LATS1: variants seen among roughly 807,000 people sequenced by gnomAD.
The protein encoded by LATS1 is large tumor suppressor kinase 1.
A neutral mutation model predicts 106.6 loss-of-function variants in LATS1; 25 were observed. The observed-to-expected ratio is 0.23, with a 90% CI of 0.17 to 0.33. The LOEUF (loss-of-function observed/expected upper bound fraction) is 0.33, where lower values mean the gene tolerates loss of function less well. Among genes scored for constraint, LATS1 ranks in the 10% least tolerant of loss-of-function variants. The pLI, the probability that LATS1 is intolerant of heterozygous loss-of-function variation, is 1.00. For missense variants in LATS1, 1,040 were observed against 1,382.6 expected (o/e 0.75, Z 3.93); for synonymous variants, 465 against 455.6 (o/e 1.02, Z -0.26).
In LATS1 at chr6:149,702,115, A is replaced by C. The variant is rs1783498371; in HGVS notation, c.12T>G (p.Ser4Arg). 1.2e-6 allele frequency: 2 copies of C among 1,603,108 alleles called. No homozygotes were observed. Among genetic ancestry groups the C allele is most frequent in the Non-Finnish European group, 1.7e-6 (2 of 1,174,132 alleles). The change falls in exon 2 of 8, where the codon AGT becomes AGG. Residue 4 changes from serine (S) to arginine (R), a missense_variant. Coordinates refer to ENST00000543571, the MANE Select transcript of LATS1 (RefSeq NM_004690.4). MKR[S>R]EKPEGYRQMR... ...TTTGTCTATATCCTTCTGGCTTTTC[A>C]CTCCTCTTCATGAAAACATCTATAT... is the stretch of plus-strand genomic sequence containing the variant.
At chr6:149,714,779 GTAAT>G (rs1784297952) in intron 1 of LATS1, among the ~76,000 whole-genome samples, 1 of 152,172 alleles carries the variant, frequency 6.6e-6, no homozygotes, top group Non-Finnish European at 1.5e-5. Context: ...ACTAACCGAA[GTAAT>G]TCAGAAGGAT....
At chr6:149,705,961 A>G (rs1208969370) in intron 1 of LATS1, among the ~76,000 whole-genome samples, 1 of 151,964 alleles carries the variant, frequency 6.6e-6, no homozygotes, top group Non-Finnish European at 1.5e-5. Context: ...AGGCGGGTGG[A>G]TCACCTGAGG....
chr6:149,706,164 C>T (rs927403301), intron 1 of LATS1, among the ~76,000 whole-genome samples: 1 of 103,992 alleles, frequency 9.6e-6, no homozygotes, highest in South Asian at 3.4e-4. Context: ...GCCTGGGCAA[C>T]AAGAGCGAAA....
chr6:149,663,017 A>G (rs1780957912), intron 7 of LATS1, among the ~76,000 whole-genome samples: 1 of 151,896 alleles, frequency 6.6e-6, no homozygotes, highest in Admixed American at 6.6e-5. Context: ...ATAAAATGAA[A>G]TGATGAAGAA....
intron 7 of LATS1, among the ~76,000 whole-genome samples, chr6:149,664,636 C>T (rs1279293894): frequency 6.6e-6 from 1 of 152,186 alleles, no homozygotes; most frequent in Non-Finnish European, 1.5e-5. Context: ...GCAGCTACTT[C>T]AAGATCCTGA....
chr6:149,711,990 G>A (rs1025383691), intron 1 of LATS1, among the ~76,000 whole-genome samples: 15 of 152,044 alleles, frequency 9.9e-5, no homozygotes, highest in African/African-American at 1.2e-4. Flanking sequence ...GAGAGAGTGC[G>A]CACACACGCA....
rs115146813 is a variant in LATS1, at chr6:149,715,109, C to T, written c.-141+2740G>A. ...TATTTTTGAGACAGAGTCTCACTGT[C>T]GCAGGCTGGAGTGCCGTGGTGCCAT... On this transcript the variant is annotated intron_variant, in intron 1 of 7. Coordinates refer to ENST00000543571, the MANE Select transcript of LATS1 (RefSeq NM_004690.4). 4.3e-3 allele frequency among the ~76,000 whole-genome samples: 647 copies of T among 152,130 alleles called. 3 individuals are homozygous for T. The highest frequency in any genetic ancestry group is 0.015 in the African/African-American group (618 of 41,512).
intron 7 of LATS1, among the ~76,000 whole-genome samples, chr6:149,673,204 C>T (rs1277682376): frequency 6.7e-6 from 1 of 149,350 alleles, no homozygotes; most frequent in African/African-American, 2.5e-5. Context: ...CTCAGGTGAT[C>T]CTCCCACCTC....
At chr6:149,663,509 G>C (rs1265009854) in intron 7 of LATS1, among the ~76,000 whole-genome samples, 1 of 152,090 alleles carries the variant, frequency 6.6e-6, no homozygotes, top group East Asian at 1.9e-4. Context: ...CTTGTTGCAT[G>C]GTAGGCAGTC....
rs114879326 is a variant in LATS1, at chr6:149,691,668, A to G, written c.496+3406T>C. On this transcript the variant is annotated intron_variant, in intron 3 of 7. Transcript: ENST00000543571. ...GGTTTACCCCTTCCTACTAGCTATT[A>G]AATAATAAGCTTGGTTGCAGGCCAT... Among the ~76,000 whole-genome samples the G allele has an allele frequency of 1.6e-3, 241 of 152,120 alleles. 1 individual carries two copies. The highest frequency in any genetic ancestry group is 5.5e-3 in the African/African-American group (227 of 41,524).
intron 2 of LATS1, among the ~76,000 whole-genome samples, chr6:149,699,941 T>G (rs1783360036): frequency 6.6e-6 from 1 of 152,172 alleles, no homozygotes; most frequent in African/African-American, 2.4e-5. Flanking sequence ...AAGAATAAGA[T>G]CAATAATTAT....
intron 1 of LATS1, among the ~76,000 whole-genome samples, chr6:149,707,011 C>CTTTTTTTT (rs745424840): frequency 1.8e-5 from 2 of 110,444 alleles, no homozygotes; most frequent in African/African-American, 3.6e-5. Flanking sequence ...CTGGACATCT[C>CTTTTTTTT]TTTTTTTTTT....
intron 2 of LATS1, among the ~76,000 whole-genome samples, chr6:149,696,772 T>C (rs1783113885): frequency 6.6e-6 from 1 of 152,044 alleles, no homozygotes; most frequent in Non-Finnish European, 1.5e-5. Flanking sequence ...TAGGAGGCTA[T>C]ATAGTACGAT....
At chr6:149,663,114 C>T (rs1183823451) in intron 7 of LATS1, among the ~76,000 whole-genome samples, 1 of 152,074 alleles carries the variant, frequency 6.6e-6, no homozygotes, top group Non-Finnish European at 1.5e-5. Context: ...TATACAACTC[C>T]AAGTACGATA....
chr6:149,662,966 CAAAAAAAAA>C (rs61479102), intron 7 of LATS1, among the ~76,000 whole-genome samples: 1 of 96,254 alleles, frequency 1.0e-5, no homozygotes, highest in African/African-American at 3.9e-5. Flanking sequence ...ACACTGTCTC[CAAAAAAAAA>C]AAAAAAAAAA....
chr6:149,682,556 C>T (rs752082958), intron 4 of LATS1, among the ~76,000 whole-genome samples: 4 of 151,808 alleles, frequency 2.6e-5, no homozygotes, highest in Non-Finnish European at 4.4e-5. Context: ...GGACTACAGG[C>T]GCCCGCCACC....
intron 1 of LATS1, among the ~76,000 whole-genome samples, chr6:149,715,222 C>T (rs977069390): frequency 2.0e-5 from 3 of 152,068 alleles, no homozygotes; most frequent in Non-Finnish European, 4.4e-5. Context: ...ACCCGCGCTA[C>T]CACACCGAGC....
At chr6:149,671,394 A>G (rs1275166821) in intron 7 of LATS1, among the ~76,000 whole-genome samples, 1 of 151,998 alleles carries the variant, frequency 6.6e-6, no homozygotes, top group Non-Finnish European at 1.5e-5. Context: ...TTGGCCTCCC[A>G]AAGTGCTAGG....
In LATS1 at chr6:149,679,862, TGA is replaced by T; in HGVS notation, c.2593+11_2593+12del. The T allele has an allele frequency of 6.6e-7, 1 of 1,508,720 alleles. No homozygotes were observed. The highest frequency in any genetic ancestry group is 8.9e-7 in the Non-Finnish European group (1 of 1,118,054). The allele number at this position is 1,508,720 out of a possible 1,614,324, so 93.5% of individuals were successfully genotyped here. On this transcript the variant is annotated intron_variant, in intron 5 of 7. Transcript: ENST00000543571. The stretch of plus-strand genomic sequence containing the variant: ...TATGAACAAACTAAAATAAATTTTA[TGA>T]GTTTACTTACCACTCTGATAGTACT...
Sources: allele counts gnomAD v4.1 joint callset (sites outside exome capture counted in the v4.1 genomes callset), GRCh38; gene constraint gnomAD v4.1.1; transcripts MANE v1.5; gene names NCBI Gene and HGNC (gene_info 2026-07-23, HGNC 2026-07-21).